Variants in SGSM3 observed in about 807,000 individuals in gnomAD.
The protein encoded by SGSM3 is small G protein signaling modulator 3, also known as RUN and SH3 containing 3.
Under a neutral mutation model 100.5 loss-of-function variants are expected in SGSM3, and 96 were observed. The ratio of observed to expected loss-of-function variants is 0.96; its 90% CI spans 0.81 to 1.13. The LOEUF is 1.13. Among genes scored for constraint, SGSM3 ranks in the 50% most tolerant of loss-of-function variants. SGSM3 has a pLI of 0.00. For synonymous variants in SGSM3, 483 were observed against 422.8 expected (o/e 1.14, Z -1.75); for missense variants, 1,001 against 1,015.8 (o/e 0.99, Z 0.20).
At chr22:40,381,141 CT>C (rs917042615) in intron 1 of SGSM3, among the ~76,000 whole-genome samples, 5 of 150,776 alleles carry the variant, frequency 3.3e-5, no homozygotes, top group African/African-American at 7.3e-5. Context: ...ACACGCTTTT[CT>C]TTTTTTTTCT....
chr22:40,401,471 C>G, intron 2 of SGSM3, 122 bp from the exon 3 acceptor site: 1 of 677,366 alleles, frequency 1.5e-6, no homozygotes, highest in Non-Finnish European at 2.7e-6. Flanking sequence ...GTCTCAAACT[C>G]CTGACCTCAG....
Position 40,391,296 on chromosome 22 carries a change from A to T in SGSM3, c.-111-9400A>T, listed in dbSNP as rs2146890807. Among the ~76,000 whole-genome samples, 3 of 152,196 alleles carry T rather than the reference A, an allele frequency of 2.0e-5. 1 individual carries two copies. The South Asian group carries it at 6.2e-4, about 32-fold the overall frequency. ...TTAGGAAGCCCTCCAGGTGATTCTGATACACTCTGTATTTTGAGAACCACT... is the reference window on the plus strand; with the variant it reads ...TTAGGAAGCCCTCCAGGTGATTCTGTTACACTCTGTATTTTGAGAACCACT... On this transcript the variant is annotated intron_variant, in intron 1 of 21. Transcript: ENST00000248929.
At chr22:40,402,405 C>G (rs1324162255) in intron 4 of SGSM3, among the ~76,000 whole-genome samples, 200 bp downstream of exon 4, 1 of 152,080 alleles carries the variant, frequency 6.6e-6, no homozygotes, top group Non-Finnish European at 1.5e-5. Context: ...TTTACTGATC[C>G]TCACCTGACA....
At chr22:40,409,219 C>T (rs2052189967) in intron 19 of SGSM3, 31 bp from the exon 20 acceptor site, 2 of 1,576,166 alleles carry the variant, frequency 1.3e-6, no homozygotes, top group African/African-American at 1.3e-5. Flanking sequence ...CTGGAGCTGC[C>T]CCTGCTCCCC....
chr22:40,399,736 C>G (rs1379638778), intron 1 of SGSM3, among the ~76,000 whole-genome samples: 1 of 152,246 alleles, frequency 6.6e-6, no homozygotes, highest in Non-Finnish European at 1.5e-5. Flanking sequence ...TCTCTTCACA[C>G]AGAACCAACC....
At position 40,407,887 on chromosome 22, in the gene SGSM3, G is replaced by C. The variant is rs1463673741; in HGVS notation, c.1579+44G>C. On this transcript the variant is annotated intron_variant, in intron 14 of 21. Coordinates refer to ENST00000248929, the MANE Select transcript of SGSM3 (RefSeq NM_015705.6). This position sits in a 1 kb window ranked among gnomAD's most constrained non-coding sequence, Gnocchi z 4.7. ...TCTTGAGCTGGGAGAGGGAGGAGGG[G>C]GTGGGCACAGAAGACTTGGGTGACC... The C allele has an allele frequency of 6.4e-7, 1 of 1,570,106 alleles. No individual in the cohort carries two copies. The highest frequency in any genetic ancestry group is 2.2e-5 in the East Asian group (1 of 44,580).
In SGSM3 at chr22:40,408,388, C is replaced by G; in HGVS notation, c.1741C>G (p.Leu581Val). The change falls in exon 16 of 22, where the codon CTG (leucine) becomes GTG (valine). Residue 581 changes from leucine to valine, a missense_variant. By Grantham distance (32) the Leu-to-Val change is conservative (BLOSUM62 1). Coordinates refer to ENST00000248929, the MANE Select transcript of SGSM3 (RefSeq NM_015705.6). ...LFEHGLKKPS[L>V]LGGACHPWLF... is the part of the protein sequence containing the mutation. ...CGAACATGGACTGAAGAAGCCATCC[C>G]TGCTTGGGGGCGCCTGCCACCCCTG... The G allele has an allele frequency of 2.5e-6, 4 of 1,613,510 alleles. No individual in the cohort carries two copies. The highest frequency in any genetic ancestry group is 3.4e-6 in the Non-Finnish European group (4 of 1,179,980).
In SGSM3 at chr22:40,408,417, G is replaced by GT. The variant is rs2051974506; in HGVS notation, c.1773dup (p.Ile592TyrfsTer24). 1 of 1,613,500 alleles carries GT rather than the reference G, an allele frequency of 6.2e-7. No homozygotes were observed. The highest frequency in any genetic ancestry group is 1.6e-4 in the Middle Eastern group (1 of 6,062). On this transcript the variant is annotated frameshift_variant, in exon 16 of 22. Transcript: ENST00000248929. LOFTEE classifies it high-confidence loss of function. ...TTGGGGGCGCCTGCCACCCCTGGCT[G>GT]TTTATCGAGGAGGTAAGTCAGTGGC...
Position 40,407,832 on chromosome 22 carries a change from A to G in SGSM3, c.1568A>G (p.Asn523Ser). 3 of 1,612,396 alleles carry G rather than the reference A, an allele frequency of 1.9e-6. No individual in the cohort carries two copies. The highest frequency in any genetic ancestry group is 1.1e-5 in the South Asian group (1 of 90,960). The part of the protein sequence containing the change: ...KDEHCWVGEL[N>S]GLRGWFPAKF... ...GAGCACTGCTGGGTGGGGGAGCTCA[A>G]CGGCCTGCGAGGTGGGGTCCTTGGT... Residue 523 changes from asparagine to serine, a missense_variant, in exon 14 of 22, where the codon AAC becomes AGC. By Grantham distance (46) the Asn-to-Ser change is conservative (BLOSUM62 1). Transcript: ENST00000248929. This position sits in a 1 kb window ranked among gnomAD's most constrained non-coding sequence, Gnocchi z 4.7.
intron 15 of SGSM3, 63 bp downstream of exon 15, chr22:40,408,183 C>A (rs755648084): frequency 1.9e-6 from 3 of 1,606,404 alleles, no homozygotes; most frequent in Non-Finnish European, 8.5e-7. Flanking sequence ...GCGTGCCTAG[C>A]GAGTCCTGGC....
chr22:40,395,858 T>G (rs1432402977), intron 1 of SGSM3, among the ~76,000 whole-genome samples: 1 of 152,186 alleles, frequency 6.6e-6, no homozygotes, highest in African/African-American at 2.4e-5. Flanking sequence ...CCACTGTCAC[T>G]TCAGCCTCAT....
At position 40,407,821 on chromosome 22, in the gene SGSM3, G is replaced by T. The variant is rs375146236; in HGVS notation, c.1557G>T (p.Val519=). ...IVSQKDEHCW[V]GELNGLRGWF... ...CTCAGAAGGACGAGCACTGCTGGGT[G>T]GGGGAGCTCAACGGCCTGCGAGGTG... is the stretch of plus-strand genomic sequence containing the variant. The change falls in exon 14 of 22, where the codon GTG becomes GTT. Residue 519 remains valine (V), a synonymous_variant. Coordinates refer to ENST00000248929, the MANE Select transcript of SGSM3 (RefSeq NM_015705.6). This position sits in a 1 kb window ranked among gnomAD's most constrained non-coding sequence, Gnocchi z 4.7. The T allele has an allele frequency of 9.3e-6, 15 of 1,613,450 alleles. No individual in the cohort carries two copies. Among genetic ancestry groups the T allele is most frequent in the East Asian group, 2.2e-5 (1 of 44,878 alleles).
chr22:40,406,314 C>T (rs2051506604), intron 9 of SGSM3, 91 bp downstream of exon 9: 2 of 1,544,274 alleles, frequency 1.3e-6, no homozygotes, highest in Admixed American at 1.8e-5. Flanking sequence ...GCAAGACCAG[C>T]CCCCTGGCCC....
At chr22:40,396,608 A>G (rs986802349) in intron 1 of SGSM3, among the ~76,000 whole-genome samples, 1 of 151,698 alleles carries the variant, frequency 6.6e-6, no homozygotes, top group Non-Finnish European at 1.5e-5. Context: ...AAAAAAAAAA[A>G]AAAAAAAAGA....
At chr22:40,382,006 TC>T (rs2047653630) in intron 1 of SGSM3, among the ~76,000 whole-genome samples, 1 of 152,110 alleles carries the variant, frequency 6.6e-6, no homozygotes, top group Non-Finnish European at 1.5e-5. Flanking sequence ...TTCTATCAGA[TC>T]AGAATAAAAG....
chr22:40,405,500 G>A (rs1380674131), intron 7 of SGSM3, 149 bp from the exon 8 acceptor site: 4 of 879,234 alleles, frequency 4.5e-6, no homozygotes, highest in Non-Finnish European at 7.0e-6. Context: ...AGTGAGGCAG[G>A]CCAAGGAAAG....
intron 1 of SGSM3, among the ~76,000 whole-genome samples, chr22:40,395,921 GTC>G (rs773193296): frequency 4.6e-5 from 7 of 152,078 alleles, no homozygotes; most frequent in Non-Finnish European, 8.8e-5. Flanking sequence ...ATCCACTCTT[GTC>G]TCTCTACAAG....
rs375483681 is a variant in SGSM3, at chr22:40,407,526, C to A, written c.1482C>A (p.His494Gln). The change falls in exon 13 of 22, where the codon CAC becomes CAA. Residue 494 changes from histidine (H) to glutamine (Q), a missense_variant. By Grantham distance (24) the His-to-Gln change is conservative. Coordinates refer to ENST00000248929, the MANE Select transcript of SGSM3 (RefSeq NM_015705.6). The surrounding 1 kb of genome is among the most constrained non-coding windows in gnomAD (Gnocchi z 4.7). The stretch of plus-strand genomic sequence containing the variant: ...AGGCCCTGCTGGACTTTGAGCGGCA[C>A]GACGACGACGAGCTGGGCTTCCGCA... Reference protein sequence around the residue: ...RAKALLDFERHDDDELGFRKN... With the variant: ...RAKALLDFERQDDDELGFRKN... 3 of 1,606,580 alleles carry A rather than the reference C, an allele frequency of 1.9e-6. No individual in the cohort carries two copies. The highest frequency in any genetic ancestry group is 2.5e-6 in the Non-Finnish European group (3 of 1,179,682).
chr22:40,380,338 G>A (rs2047352702), intron 1 of SGSM3, among the ~76,000 whole-genome samples: 1 of 149,542 alleles, frequency 6.7e-6, no homozygotes, highest in South Asian at 2.1e-4. Flanking sequence ...ACATTTTCTA[G>A]CTTTTTTTAA....
Sources: allele counts gnomAD v4.1 joint callset (sites outside exome capture counted in the v4.1 genomes callset), GRCh38; gene constraint gnomAD v4.1.1; non-coding constraint Gnocchi (gnomAD v3.1); transcripts MANE v1.5; gene names NCBI Gene and HGNC (gene_info 2026-07-23, HGNC 2026-07-21).